TUSC3: variants seen among roughly 807,000 people sequenced by gnomAD.
The protein encoded by TUSC3 is dolichyl-diphosphooligosaccharide--protein glycosyltransferase subunit TUSC3.
In TUSC3, 45 loss-of-function variants were observed where a neutral mutation model predicts 44.8. That is an observed-to-expected ratio of 1.00 (90% CI 0.79 to 1.29). The LOEUF (loss-of-function observed/expected upper bound fraction) is 1.29. Among genes scored for constraint, TUSC3 ranks in the 50% most tolerant of loss-of-function variants. The pLI, the probability that TUSC3 is intolerant of heterozygous loss-of-function variation, is 0.00. For missense variants in TUSC3, 519 were observed against 437.9 expected, an observed-to-expected ratio of 1.19 and a Z score of -1.65; for synonymous variants, 212 against 152.9, an observed-to-expected ratio of 1.39 and a Z score of -2.85.
At chr8:15,755,058 T>C (rs1811867142) in intron 9 of TUSC3, among the ~76,000 whole-genome samples, 1 of 152,118 alleles carries the variant, frequency 6.6e-6, no homozygotes, top group Non-Finnish European at 1.5e-5. Flanking sequence ...AATCTTCCCC[T>C]AAAGTTTACC....
chr8:15,742,766 T>C (rs1403256117), intron 7 of TUSC3, among the ~76,000 whole-genome samples: 2 of 152,228 alleles, frequency 1.3e-5, no homozygotes, highest in Non-Finnish European at 2.9e-5. Context: ...GAAATACATA[T>C]TTTCAGAATT....
At chr8:15,736,934 G>C (rs894758104) in intron 7 of TUSC3, among the ~76,000 whole-genome samples, 29 of 152,038 alleles carry the variant, frequency 1.9e-4, no homozygotes, top group African/African-American at 7.0e-4. Flanking sequence ...ACCTAAGTTA[G>C]AAGATCTCAA....
the TUSC3 span, among the ~76,000 whole-genome samples, chr8:15,787,658 G>C: frequency 6.6e-6 from 1 of 152,100 alleles, no homozygotes; most frequent in African/African-American, 2.4e-5. Flanking sequence ...CACCACATAG[G>C]AGCTATTTCC....
the TUSC3 span, among the ~76,000 whole-genome samples, chr8:15,823,248 G>C: frequency 6.6e-6 from 1 of 152,142 alleles, no homozygotes; most frequent in Non-Finnish European, 1.5e-5. Flanking sequence ...GAATAGTGGA[G>C]GCTCTATCAT....
chr8:15,656,498 A>G (rs1465735179), intron 3 of TUSC3, among the ~76,000 whole-genome samples: 1 of 152,246 alleles, frequency 6.6e-6, no homozygotes, highest in Non-Finnish European at 1.5e-5. Context: ...ACAGTATTAC[A>G]TCTGAAAGCT....
intron 2 of TUSC3, among the ~76,000 whole-genome samples, chr8:15,501,386 T>A (rs1800962965): frequency 6.6e-6 from 1 of 151,442 alleles, no homozygotes; most frequent in Non-Finnish European, 1.5e-5. Context: ...TTCGCTATAC[T>A]TCACTTTGGC....
intron 1 of TUSC3, among the ~76,000 whole-genome samples, chr8:15,619,306 T>C (rs1204618066): frequency 6.6e-6 from 1 of 152,208 alleles, no homozygotes; most frequent in East Asian, 1.9e-4. Context: ...ATTGAGACTT[T>C]TAAAAGAAAA....
chr8:15,808,094 A>G, the TUSC3 span, among the ~76,000 whole-genome samples: 1 of 152,164 alleles, frequency 6.6e-6, no homozygotes, highest in Non-Finnish European at 1.5e-5. Context: ...TTTTGAACAT[A>G]TTATTACAGT....
At chr8:15,617,136 A>ATTT (rs1257975990) in intron 1 of TUSC3, among the ~76,000 whole-genome samples, 1 of 8,206 alleles carries the variant, frequency 1.2e-4, no homozygotes, top group African/African-American at 2.5e-4. Flanking sequence ...GTGTGTGTAT[A>ATTT]TATTTTTTTT....
chr8:15,758,163 A>C (rs1238344834), intron 10 of TUSC3: 1 of 1,091,988 alleles, frequency 9.2e-7, no homozygotes, highest in African/African-American at 1.6e-5. Context: ...GAAAAAAGGC[A>C]GTCAACAAAT....
At chr8:15,675,371 G>A (rs1835139) in intron 6 of TUSC3, among the ~76,000 whole-genome samples, 45,710 of 151,604 alleles carry the variant, frequency 0.3, 7,201 homozygotes, top group African/African-American at 0.37. Context: ...TATACGAAAA[G>A]TTATTCAACA....
intron 1 of TUSC3, among the ~76,000 whole-genome samples, chr8:15,542,724 T>C (rs1358334561): frequency 1.3e-5 from 2 of 152,220 alleles, no homozygotes; most frequent in East Asian, 3.9e-4. Flanking sequence ...GAAATATATT[T>C]TTGAAATGAA....
rs544813832 is a variant in TUSC3 at position 15,437,010 on chromosome 8, A to G, written n.91+19705A>G. 4.6e-4 allele frequency among the ~76,000 whole-genome samples: 70 copies of G among 152,326 alleles called. No homozygotes were observed. The South Asian group carries it at 0.013, about 28-fold the overall frequency. On this transcript the variant is annotated intron_variant and non_coding_transcript_variant, in intron 1 of 5. Coordinates refer to the TUSC3 transcript ENST00000503191. Reference sequence around the variant, plus strand: ...ACTGGCTATTTAAAATTGATGCATGAACACAGGAAATGGGAACAATTTTCT... The same window carrying G: ...ACTGGCTATTTAAAATTGATGCATGGACACAGGAAATGGGAACAATTTTCT...
chr8:15,779,935 A>G, the TUSC3 span, among the ~76,000 whole-genome samples: 4,990 of 152,244 alleles, frequency 0.033, 81 homozygotes, highest in East Asian at 0.05. Flanking sequence ...CAGAAACAAA[A>G]CGAGCGGTCT....
chr8:15,512,227 G>A (rs554494141), intron 2 of TUSC3, among the ~76,000 whole-genome samples: 117 of 152,162 alleles, frequency 7.7e-4, no homozygotes, highest in Non-Finnish European at 1.6e-3. Flanking sequence ...TTTTTTAGAT[G>A]AGATTAACAA....
At chr8:15,725,255 G>C (rs567987759) in intron 6 of TUSC3, among the ~76,000 whole-genome samples, 1 of 151,988 alleles carries the variant, frequency 6.6e-6, no homozygotes, top group Non-Finnish European at 1.5e-5. Context: ...CTTCAAAATA[G>C]CTATTTTCTG....
At chr8:15,538,248 A>C (rs946527880), upstream of TUSC3, among the ~76,000 whole-genome samples, 7 of 152,196 alleles carry the variant, frequency 4.6e-5, no homozygotes, top group Admixed American at 4.6e-4. Context: ...TAGTCTATTG[A>C]AGCTTGCTCT....
the TUSC3 span, among the ~76,000 whole-genome samples, chr8:15,782,913 T>A: frequency 7.7e-4 from 117 of 152,128 alleles, no homozygotes; most frequent in East Asian, 0.015. Context: ...ATGTTCAAAT[T>A]GAAAAGGAAG....
chr8:15,582,391 A>T (rs1450766075), intron 1 of TUSC3, among the ~76,000 whole-genome samples: 2 of 152,218 alleles, frequency 1.3e-5, no homozygotes, highest in African/African-American at 4.8e-5. Context: ...CCAATCTTTT[A>T]TGAATTTGTT....
Sources: allele counts gnomAD v4.1 joint callset (sites outside exome capture counted in the v4.1 genomes callset), GRCh38; gene constraint gnomAD v4.1.1; transcripts MANE v1.5; gene names NCBI Gene and HGNC (gene_info 2026-07-23, HGNC 2026-07-21).